SERAC1: variants seen among roughly 807,000 people sequenced by gnomAD.
The protein encoded by SERAC1 is serine active site containing 1.
Under a neutral mutation model 85.7 loss-of-function variants are expected in SERAC1, and 36 were observed. The ratio of observed to expected loss-of-function variants is 0.42; its 90% confidence interval spans 0.32 to 0.55. SERAC1 has a LOEUF of 0.55. Among genes scored for constraint, SERAC1 ranks in the 20% least tolerant of loss-of-function variants. SERAC1 has a pLI of 0.11. For missense variants in SERAC1, 629 were observed against 796.2 expected (o/e 0.79, Z 2.53); for synonymous variants, 242 against 265.3 (o/e 0.91, Z 0.85).
intron 1 of SERAC1, among the ~76,000 whole-genome samples, chr6:158,162,727 C>A (rs904700317): frequency 6.6e-6 from 1 of 152,160 alleles, no homozygotes; most frequent in African/African-American, 2.4e-5. Flanking sequence ...GACTATCATT[C>A]GATCCATCCA....
intron 3 of SERAC1, among the ~76,000 whole-genome samples, chr6:158,153,209 G>T (rs1371347873): frequency 6.6e-6 from 1 of 152,080 alleles, no homozygotes; most frequent in Non-Finnish European, 1.5e-5. Flanking sequence ...CATATCAATG[G>T]AATCACACTA....
intron 1 of SERAC1, among the ~76,000 whole-genome samples, chr6:158,167,889 G>A (rs1026743559): frequency 2.0e-5 from 3 of 152,104 alleles, no homozygotes; most frequent in Non-Finnish European, 4.4e-5. Flanking sequence ...CGGACCGGCA[G>A]GTGCACTCCC....
In SERAC1 at chr6:158,113,563, C is replaced by A. The variant is rs766636665; in HGVS notation, c.1714G>T (p.Asp572Tyr). ...DSPALKTLQDDFLEFAKDKNF... is the reference protein window; with the variant it reads ...DSPALKTLQDYFLEFAKDKNF... ...TTGTCTTTAGCAAACTCCAGAAAGT[C>A]ATCTTGTAGTGTTTTAAGTGCAGGA... The change falls in exon 16 of 17, where the codon GAC (aspartate) becomes TAC (tyrosine). Residue 572 changes from aspartate (D) to tyrosine (Y), a missense_variant. Asp to Tyr is a radical substitution (Grantham distance 160). Transcript: ENST00000647468. 34 of 1,613,758 alleles carry A rather than the reference C, an allele frequency of 2.1e-5. No individual in the cohort carries two copies. The highest frequency in any genetic ancestry group is 2.9e-5 in the Non-Finnish European group (34 of 1,179,836).
At chr6:158,130,090 G>C (rs774690059) in intron 9 of SERAC1, among the ~76,000 whole-genome samples, 57 of 152,188 alleles carry the variant, frequency 3.7e-4, no homozygotes, top group Admixed American at 2.6e-4. Flanking sequence ...GGCAGTAGAA[G>C]ACAACATAAC....
chr6:158,154,729 T>C (rs1276778207), intron 3 of SERAC1, among the ~76,000 whole-genome samples: 2 of 152,140 alleles, frequency 1.3e-5, no homozygotes, highest in African/African-American at 2.4e-5. Flanking sequence ...CATGCGAGCT[T>C]TATGGTGAGT....
chr6:158,142,151 T>G lies in SERAC1; in HGVS notation c.738+905A>C, dbSNP rs545620703. 2.6e-5 allele frequency among the ~76,000 whole-genome samples: 4 copies of G among 152,124 alleles called. No individual in the cohort carries two copies. The South Asian group carries it at 6.2e-4, about 24-fold the overall frequency. Reference sequence around the variant, plus strand: ...CAGAATTCAGTATTCACTGATAGCCTTTTACTTTTTCTTTTCTTTTTTTTT... The same window carrying G: ...CAGAATTCAGTATTCACTGATAGCCGTTTACTTTTTCTTTTCTTTTTTTTT... On this transcript the variant is annotated intron_variant, in intron 8 of 16. Coordinates refer to ENST00000647468, the MANE Select transcript of SERAC1 (RefSeq NM_032861.4).
At chr6:158,140,230 G>A (rs1784884467) in intron 8 of SERAC1, among the ~76,000 whole-genome samples, 2 of 152,180 alleles carry the variant, frequency 1.3e-5, no homozygotes, top group South Asian at 4.2e-4. Flanking sequence ...CAGGAAGGGG[G>A]CTGGTGGCCA....
At chr6:158,116,325 T>A in intron 13 of SERAC1, 43 bp from the exon 14 acceptor site, 1 of 1,490,290 alleles carries the variant, frequency 6.7e-7, no homozygotes. Context: ...AGGCTATCGA[T>A]CCCCTCAATT....
At chr6:158,125,839 A>C (rs1195929614) in intron 10 of SERAC1, among the ~76,000 whole-genome samples, 1 of 152,232 alleles carries the variant, frequency 6.6e-6, no homozygotes, top group Non-Finnish European at 1.5e-5. Flanking sequence ...GAAATGGCAT[A>C]ATCTTAATTC....
chr6:158,156,978 AT>A (rs1785367058), intron 2 of SERAC1, among the ~76,000 whole-genome samples: 1 of 132,264 alleles, frequency 7.6e-6, no homozygotes, highest in South Asian at 2.2e-4. Flanking sequence ...ATATTTATAT[AT>A]AATAAATACA....
intron 5 of SERAC1, among the ~76,000 whole-genome samples, chr6:158,147,596 TAAA>T (rs1462101179): frequency 2.5e-5 from 3 of 122,214 alleles, no homozygotes; most frequent in Non-Finnish European, 5.2e-5. Context: ...CTGTCTCTAC[TAAA>T]AATACAAAAA....
intron 8 of SERAC1, among the ~76,000 whole-genome samples, chr6:158,141,689 G>A (rs1224817606): frequency 6.6e-6 from 1 of 152,154 alleles, no homozygotes; most frequent in Admixed American, 6.6e-5. Flanking sequence ...AAAAGAGCCA[G>A]GGATACCTTG....
At chr6:158,156,492 A>G (rs1421129355) in intron 2 of SERAC1, among the ~76,000 whole-genome samples, 1 of 152,090 alleles carries the variant, frequency 6.6e-6, no homozygotes, top group African/African-American at 2.4e-5. Context: ...CCAAGGATTC[A>G]GCAAGCATCT....
Position 158,113,582 on chromosome 6 carries a change from T to TGC in SERAC1, c.1693_1694dup (p.Leu566HisfsTer21). ...GAAAGTCATCTTGTAGTGTTTTAAG[T>TGC]GCAGGAGAATCTGTAAAATTATACA... On this transcript the variant is annotated frameshift_variant, in exon 16 of 17. Coordinates refer to ENST00000647468, the MANE Select transcript of SERAC1 (RefSeq NM_032861.4). LOFTEE classifies it high-confidence loss of function. The TGC allele has an allele frequency of 1.2e-6, 2 of 1,613,450 alleles. No homozygotes were observed. The highest frequency in any genetic ancestry group is 2.2e-5 in the South Asian group (2 of 90,982).
chr6:158,129,895 C>T (rs142481575), intron 9 of SERAC1, among the ~76,000 whole-genome samples: 3 of 151,974 alleles, frequency 2.0e-5, no homozygotes, highest in African/African-American at 7.2e-5. Flanking sequence ...GGAGTTTCAC[C>T]ATGTTGGCCA....
At chr6:158,138,318 C>T (rs373873968) in intron 8 of SERAC1, among the ~76,000 whole-genome samples, 32 of 151,910 alleles carry the variant, frequency 2.1e-4, no homozygotes, top group African/African-American at 7.0e-4. Context: ...GCCTGTAGTC[C>T]CAGCTAGTCG....
At chr6:158,125,349 G>T (rs191649882) in intron 10 of SERAC1, among the ~76,000 whole-genome samples, 25 of 152,106 alleles carry the variant, frequency 1.6e-4, no homozygotes, top group Non-Finnish European at 3.1e-4. Context: ...AAATAAAAGA[G>T]GCTTCATGCA....
chr6:158,143,003 A>G, intron 8 of SERAC1, 53 bp downstream of exon 8: 1 of 1,437,590 alleles, frequency 7.0e-7, no homozygotes, highest in Non-Finnish European at 9.7e-7. Flanking sequence ...GACACAATAC[A>G]TTGGAAAGGG....
intron 9 of SERAC1, among the ~76,000 whole-genome samples, chr6:158,128,737 C>A (rs566046623): frequency 6.6e-6 from 1 of 152,310 alleles, no homozygotes; most frequent in South Asian, 2.1e-4. Context: ...TGTGGCCCCA[C>A]ACCCTATCCC....
Sources: gnomAD v4.1 joint callset for allele counts (sites outside exome capture counted in the v4.1 genomes callset) on GRCh38, gnomAD v4.1.1 for gene constraint, MANE v1.5 for transcripts, NCBI Gene and HGNC (gene_info 2026-07-23, HGNC 2026-07-21) for gene names.